CELF4: variants seen among roughly 807,000 people sequenced by gnomAD.
CELF4 encodes CUGBP Elav-like family member 4.
CELF4 carries 18 observed loss-of-function variants against 59.9 expected under a neutral mutation model. The observed-to-expected ratio is 0.30, with a 90% CI of 0.21 to 0.45. The LOEUF (loss-of-function observed/expected upper bound fraction) is 0.45, where lower values mean the gene tolerates loss of function less well. Ranked by LOEUF, CELF4 falls within the 20% of genes least tolerant of loss-of-function variation. The probability of loss-of-function intolerance (pLI) is 1.00; values close to 1 mark genes in which losing one functional copy is unlikely to be tolerated. For synonymous variants in CELF4, 261 were observed against 267.1 expected (o/e 0.98, Z 0.22); for missense variants, 456 against 689.0 (o/e 0.66, Z 3.79).
Position 37,462,599 on chromosome 18 carries a change from T to C in CELF4, c.369+22926A>G, listed in dbSNP as rs146963532. On this transcript the variant is annotated intron_variant, in intron 2 of 12. Transcript: ENST00000420428. ...TGCAGTAGGTGCTGACATCTACTCT[T>C]CTATGTTGAAGTGAGAGCTGGGGCC... Among the ~76,000 whole-genome samples the C allele has an allele frequency of 4.6e-5, 7 of 152,262 alleles. No homozygotes were observed. The East Asian group carries it at 1.4e-3, about 29-fold the overall frequency.
chr18:37,549,826 T>C (rs1258486805), intron 1 of CELF4, among the ~76,000 whole-genome samples: 1 of 152,176 alleles, frequency 6.6e-6, no homozygotes, highest in Non-Finnish European at 1.5e-5. Context: ...ATATATGCAG[T>C]ATAACCTATC....
intron 8 of CELF4, among the ~76,000 whole-genome samples, chr18:37,269,889 C>T (rs1601471097): frequency 6.6e-6 from 1 of 152,146 alleles, no homozygotes; most frequent in Admixed American, 6.5e-5. Context: ...TCCTGCTCTA[C>T]TTCTTGGGCC....
intron 2 of CELF4, among the ~76,000 whole-genome samples, chr18:37,391,803 C>T (rs540159598): frequency 5.9e-5 from 9 of 152,188 alleles, no homozygotes; most frequent in Non-Finnish European, 1.3e-4. Context: ...AGATTCAGGA[C>T]ACAAGAGAGG....
intron 2 of CELF4, among the ~76,000 whole-genome samples, chr18:37,426,826 C>T (rs552136603): frequency 1.3e-5 from 2 of 152,282 alleles, no homozygotes; most frequent in South Asian, 4.1e-4. Flanking sequence ...AGGTCAATGC[C>T]TCTGACAGAT....
At chr18:37,354,593 C>T (rs1352781518) in intron 2 of CELF4, among the ~76,000 whole-genome samples, 1 of 152,194 alleles carries the variant, frequency 6.6e-6, no homozygotes, top group Non-Finnish European at 1.5e-5. Context: ...AATTTGGGAC[C>T]AGGCTCTAAA....
chr18:37,551,666 C>T (rs149019246), intron 1 of CELF4, among the ~76,000 whole-genome samples: 2 of 152,294 alleles, frequency 1.3e-5, no homozygotes, highest in East Asian at 1.9e-4. Flanking sequence ...AATCTGAATG[C>T]CTGCCTTGGT....
At chr18:37,368,174 T>G (rs1040521634) in intron 2 of CELF4, among the ~76,000 whole-genome samples, 1 of 152,148 alleles carries the variant, frequency 6.6e-6, no homozygotes, top group African/African-American at 2.4e-5. Flanking sequence ...CAAGTATTCA[T>G]CAATCCTTCG....
chr18:37,408,203 G>A (rs2099403310), intron 2 of CELF4, among the ~76,000 whole-genome samples: 1 of 152,162 alleles, frequency 6.6e-6, no homozygotes. Context: ...GGCTGGGGAA[G>A]ACAAGTGGCT....
At chr18:37,553,811 G>T (rs773049176) in intron 1 of CELF4, among the ~76,000 whole-genome samples, 5 of 152,150 alleles carry the variant, frequency 3.3e-5, no homozygotes, top group Non-Finnish European at 7.3e-5. Flanking sequence ...AGAGGTTTGA[G>T]TTGGAGCTCC....
chr18:37,517,820 G>C (rs1054749051), intron 1 of CELF4, among the ~76,000 whole-genome samples: 1 of 152,166 alleles, frequency 6.6e-6, no homozygotes, highest in African/African-American at 2.4e-5. Context: ...GGTCAAGGAA[G>C]GAGGCACCTT....
chr18:37,407,650 TG>T (rs1251117182), intron 2 of CELF4, among the ~76,000 whole-genome samples: 1 of 151,876 alleles, frequency 6.6e-6, no homozygotes, highest in Non-Finnish European at 1.5e-5. Context: ...CACGTTAGGA[TG>T]TTCAGGCATT....
intron 3 of CELF4, chr18:37,276,049 A>G (rs2093173973): frequency 6.6e-6 from 1 of 151,958 alleles, no homozygotes; most frequent in Non-Finnish European, 1.5e-5. Context: ...TATGTCACAT[A>G]TTTTTTCTTC....
At chr18:37,268,124 G>T (rs2078590540) in intron 8 of CELF4, among the ~76,000 whole-genome samples, 1 of 152,188 alleles carries the variant, frequency 6.6e-6, no homozygotes, top group East Asian at 1.9e-4. Flanking sequence ...GGGACAGTAG[G>T]TTCTATAGCC....
intron 2 of CELF4, among the ~76,000 whole-genome samples, chr18:37,355,392 G>A (rs959201877): frequency 1.3e-5 from 2 of 152,188 alleles, no homozygotes; most frequent in African/African-American, 4.8e-5. Flanking sequence ...AACAGACCTG[G>A]CCTGGTGCAG....
At chr18:37,416,069 C>G (rs1231958274) in intron 2 of CELF4, among the ~76,000 whole-genome samples, 1 of 152,054 alleles carries the variant, frequency 6.6e-6, no homozygotes, top group Non-Finnish European at 1.5e-5. Context: ...AGTGGAAGAG[C>G]GAGAGGTTTG....
chr18:37,317,433 CTCAG>C (rs1373544775), intron 3 of CELF4, among the ~76,000 whole-genome samples: 1 of 152,176 alleles, frequency 6.6e-6, no homozygotes, highest in South Asian at 2.1e-4. Context: ...ATCCCTAACA[CTCAG>C]TCAGTGTTCT....
chr18:37,327,338 C>CTTT (rs1054042241), intron 2 of CELF4, among the ~76,000 whole-genome samples: 1 of 152,174 alleles, frequency 6.6e-6, no homozygotes, highest in Non-Finnish European at 1.5e-5. Context: ...CCTACTACTC[C>CTTT]TTTCCTGGTC....
intron 2 of CELF4, among the ~76,000 whole-genome samples, chr18:37,404,472 G>A (rs922974569): frequency 2.0e-5 from 3 of 152,238 alleles, no homozygotes; most frequent in South Asian, 2.1e-4. Context: ...CACAGGGCAG[G>A]GAACTTGGAA....
At chr18:37,435,186 T>G (rs1451750546) in intron 2 of CELF4, among the ~76,000 whole-genome samples, 1 of 152,104 alleles carries the variant, frequency 6.6e-6, no homozygotes, top group Non-Finnish European at 1.5e-5. Flanking sequence ...ACAAACCCCG[T>G]TTTTTAGCTC....
Sources: gnomAD v4.1 joint callset for allele counts (sites outside exome capture counted in the v4.1 genomes callset) on GRCh38, gnomAD v4.1.1 for gene constraint, MANE v1.5 for transcripts, NCBI Gene and HGNC (gene_info 2026-07-23, HGNC 2026-07-21) for gene names.